Variants in CDK14 observed in about 807,000 individuals in gnomAD.
CDK14 encodes the protein cyclin dependent kinase 14.
Under a neutral mutation model 60.7 loss-of-function variants are expected in CDK14, and 34 were observed. That is an observed-to-expected ratio of 0.56 (90% CI 0.43 to 0.75). The LOEUF (loss-of-function observed/expected upper bound fraction) is 0.75. Ranked by LOEUF, CDK14 falls within the 30% of genes least tolerant of loss-of-function variation. CDK14 has a pLI of 0.00. For missense variants in CDK14, 482 were observed against 564.1 expected (o/e 0.85, Z 1.47); for synonymous variants, 197 against 203.7 (o/e 0.97, Z 0.28).
At chr7:90,735,131 C>T (rs1257507052) in intron 3 of CDK14, among the ~76,000 whole-genome samples, 4 of 152,186 alleles carry the variant, frequency 2.6e-5, no homozygotes, top group Admixed American at 1.3e-4. Context: ...CTGGGTATCA[C>T]GAGCAGAGGC....
chr7:90,727,592 G>T (rs1038692113), intron 3 of CDK14, among the ~76,000 whole-genome samples: 1 of 152,028 alleles, frequency 6.6e-6, no homozygotes, highest in African/African-American at 2.4e-5. Context: ...AGTATGCTAT[G>T]AATAAATTTC....
At chr7:91,145,281 AC>A (rs1195130245) in intron 14 of CDK14, among the ~76,000 whole-genome samples, 1 of 152,172 alleles carries the variant, frequency 6.6e-6, no homozygotes, top group Non-Finnish European at 1.5e-5. Context: ...CTTTAGACAT[AC>A]TTTTTTTTAG....
chr7:90,604,287 A>C, intron 2 of CDK14, 38 bp downstream of exon 2: 1 of 1,358,260 alleles, frequency 7.4e-7, no homozygotes, highest in Non-Finnish European at 1.0e-6. Context: ...AGATGTATTT[A>C]ATGACTACCA....
chr7:91,110,767 C>G (rs1182629633), intron 12 of CDK14, among the ~76,000 whole-genome samples: 1 of 152,138 alleles, frequency 6.6e-6, no homozygotes, highest in Non-Finnish European at 1.5e-5. Flanking sequence ...TAGTCCTAAT[C>G]TGGTTGTTCT....
intron 2 of CDK14, among the ~76,000 whole-genome samples, chr7:90,674,708 A>G (rs957422975): frequency 1.3e-5 from 2 of 152,180 alleles, no homozygotes; most frequent in African/African-American, 4.8e-5. Context: ...AGTTTGGTCT[A>G]GGCAGTTTAA....
intron 14 of CDK14, among the ~76,000 whole-genome samples, chr7:91,135,065 C>T (rs1800235016): frequency 6.6e-6 from 1 of 152,036 alleles, no homozygotes. Flanking sequence ...TTTTCTTTCA[C>T]TTGTAACTTT....
At chr7:90,721,720 G>A (rs1182781895) in intron 2 of CDK14, among the ~76,000 whole-genome samples, 1 of 152,148 alleles carries the variant, frequency 6.6e-6, no homozygotes, top group Non-Finnish European at 1.5e-5. Flanking sequence ...GTGGATAAAA[G>A]GGCTACTGTT....
intron 5 of CDK14, among the ~76,000 whole-genome samples, chr7:90,816,195 A>G (rs1044936167): frequency 2.6e-5 from 4 of 152,202 alleles, no homozygotes; most frequent in Admixed American, 6.5e-5. Flanking sequence ...AAATTCCTAT[A>G]AACATAAATG....
intron 9 of CDK14, among the ~76,000 whole-genome samples, chr7:90,960,295 A>G (rs966744507): frequency 2.7e-4 from 41 of 152,164 alleles, no homozygotes. Context: ...TGAGGTATCA[A>G]CTACAGTACT....
chr7:91,072,139 C>T lies in CDK14; in HGVS notation c.1106-7293C>T, dbSNP rs148186243. Among the ~76,000 whole-genome samples the T allele has an allele frequency of 4.6e-3, 695 of 152,238 alleles. 3 individuals carry two copies. Among genetic ancestry groups the T allele is most frequent in the African/African-American group, 0.015 (643 of 41,544 alleles). On this transcript the variant is annotated intron_variant, in intron 11 of 14. Coordinates refer to ENST00000380050, the MANE Select transcript of CDK14 (RefSeq NM_001287135.2). ...CAGATGAGTAGGTTTCCATCCAGCT[C>T]GGCACACCCCCTCCACCAAGGGACA...
intron 5 of CDK14, among the ~76,000 whole-genome samples, chr7:90,816,151 C>T (rs980491347): frequency 6.6e-6 from 1 of 152,178 alleles, no homozygotes; most frequent in Non-Finnish European, 1.5e-5. Flanking sequence ...TCATGGCAGA[C>T]ATGGGATTTG....
intron 9 of CDK14, chr7:90,979,582 C>T (rs942712191): frequency 5.9e-5 from 9 of 152,036 alleles, no homozygotes; most frequent in African/African-American, 2.2e-4. Context: ...AGAAGTTTTC[C>T]CAAAATTAAC....
At chr7:90,695,026 A>G (rs1801626334) in intron 2 of CDK14, among the ~76,000 whole-genome samples, 1 of 152,130 alleles carries the variant, frequency 6.6e-6, no homozygotes, top group South Asian at 2.1e-4. Context: ...AGAAATTTTG[A>G]TTGCTGTTTC....
intron 10 of CDK14, among the ~76,000 whole-genome samples, chr7:91,024,946 C>G (rs1796533053): frequency 6.6e-6 from 1 of 152,160 alleles, no homozygotes. Flanking sequence ...GTGATTGATT[C>G]CCTTACTCCA....
At chr7:90,861,628 A>G (rs1791012346) in intron 5 of CDK14, among the ~76,000 whole-genome samples, 1 of 152,244 alleles carries the variant, frequency 6.6e-6, no homozygotes, top group African/African-American at 2.4e-5. Context: ...ACCTGTTAAG[A>G]CAGGATAGTG....
chr7:90,694,022 G>T (rs1447706344), intron 2 of CDK14, among the ~76,000 whole-genome samples: 1 of 152,180 alleles, frequency 6.6e-6, no homozygotes, highest in East Asian at 1.9e-4. Flanking sequence ...TAATTAAAGG[G>T]ATGTCCATGA....
At chr7:91,081,688 A>G (rs1352466124) in intron 12 of CDK14, among the ~76,000 whole-genome samples, 3 of 152,142 alleles carry the variant, frequency 2.0e-5, no homozygotes, top group Non-Finnish European at 4.4e-5. Context: ...TTTGGGGCCA[A>G]CTCTGCCCTA....
intron 5 of CDK14, among the ~76,000 whole-genome samples, chr7:90,809,327 C>G (rs1295039663): frequency 6.6e-6 from 1 of 152,162 alleles, no homozygotes; most frequent in Admixed American, 6.5e-5. Flanking sequence ...TCACTCAAAA[C>G]CGCTCAACTA....
intron 12 of CDK14, among the ~76,000 whole-genome samples, chr7:91,111,971 C>G (rs2116351255): frequency 6.6e-6 from 1 of 152,252 alleles, no homozygotes; most frequent in East Asian, 1.9e-4. Context: ...TGAATTGATT[C>G]AGCCCCGTAT....
Sources: allele counts gnomAD v4.1 joint callset (sites outside exome capture counted in the v4.1 genomes callset), GRCh38; gene constraint gnomAD v4.1.1; transcripts MANE v1.5; gene names NCBI Gene and HGNC (gene_info 2026-07-23, HGNC 2026-07-21).